Variants in MACROD2 observed in about 807,000 individuals in gnomAD.
MACROD2 encodes the protein ADP-ribose glycohydrolase MACROD2.
Under a neutral mutation model 70.4 loss-of-function variants are expected in MACROD2, and 36 were observed. The ratio of observed to expected loss-of-function variants is 0.51; its 90% CI spans 0.39 to 0.68. MACROD2 has a LOEUF of 0.68. Among genes scored for constraint, MACROD2 ranks in the 30% least tolerant of loss-of-function variants. MACROD2 has a pLI of 0.00. For missense variants in MACROD2, 496 were observed against 538.4 expected (o/e 0.92, Z 0.78); for synonymous variants, 172 against 178.8 (o/e 0.96, Z 0.30).
At chr20:15,532,332 A>C (rs1348617138) in intron 8 of MACROD2, among the ~76,000 whole-genome samples, 3 of 152,164 alleles carry the variant, frequency 2.0e-5, no homozygotes, top group Non-Finnish European at 4.4e-5. Flanking sequence ...TAAATCTCTC[A>C]ACCCTAGCAG....
chr20:15,156,471 C>G (rs459322), intron 5 of MACROD2, among the ~76,000 whole-genome samples: 89,616 of 151,954 alleles, frequency 0.59, 26,561 homozygotes, highest in East Asian at 0.65. Flanking sequence ...TGACTTATCT[C>G]TCATTTACTT....
At chr20:15,052,033 A>C (rs1322856699) in intron 5 of MACROD2, among the ~76,000 whole-genome samples, 1 of 152,128 alleles carries the variant, frequency 6.6e-6, no homozygotes, top group Non-Finnish European at 1.5e-5. Context: ...TCACAGGTGT[A>C]AGCCACTGCG....
chr20:15,609,714 A>G (rs2048940741), intron 8 of MACROD2, among the ~76,000 whole-genome samples: 1 of 152,232 alleles, frequency 6.6e-6, no homozygotes, highest in African/African-American at 2.4e-5. Flanking sequence ...TACTGTTTTC[A>G]TTGGTTTAAA....
Position 14,171,740 on chromosome 20 carries a change from G to A in MACROD2, c.271+86012G>A, listed in dbSNP as rs539402520. On this transcript the variant is annotated intron_variant, in intron 3 of 17. Coordinates refer to ENST00000684519, the MANE Select transcript of MACROD2 (RefSeq NM_001351661.2). ...ATTTCAATTTTCTTTATTGAGACTC[G>A]TTTTGTGGGCTATCATGTTGTCTAT... is the stretch of plus-strand genomic sequence containing the variant. Among the ~76,000 whole-genome samples, 65 of 152,088 alleles carry A rather than the reference G, an allele frequency of 4.3e-4. 1 individual carries two copies. Among genetic ancestry groups the A allele is most frequent in the South Asian group, 1.4e-3 (7 of 4,828 alleles).
At chr20:14,696,545 G>A (rs1420515963) in intron 5 of MACROD2, among the ~76,000 whole-genome samples, 2 of 152,060 alleles carry the variant, frequency 1.3e-5, no homozygotes, top group Non-Finnish European at 2.9e-5. Flanking sequence ...ACTACCGAGA[G>A]TTTGCTTCAT....
At position 15,002,936 on chromosome 20, in the gene MACROD2, C is replaced by T. The variant is rs147154567; in HGVS notation, c.419-227004C>T. Among the ~76,000 whole-genome samples the T allele has an allele frequency of 3.9e-5, 6 of 152,242 alleles. No homozygotes were observed. In the East Asian group the frequency reaches 1.2e-3, roughly 29 times the overall value. The stretch of plus-strand genomic sequence containing the variant: ...TGGAACCAATCCAATTAGAAAGTAA[C>T]AAACACACATTTTACAGCATGTGTC... On this transcript the variant is annotated intron_variant, in intron 5 of 17. Coordinates refer to ENST00000684519, the MANE Select transcript of MACROD2 (RefSeq NM_001351661.2).
chr20:14,429,627 T>C (rs2083973233), intron 3 of MACROD2, among the ~76,000 whole-genome samples: 1 of 152,170 alleles, frequency 6.6e-6, no homozygotes, highest in South Asian at 2.1e-4. Context: ...TGGATGGTTC[T>C]TGGCATGCAG....
intron 3 of MACROD2, among the ~76,000 whole-genome samples, chr20:14,432,237 C>A (rs1422499995): frequency 2.0e-5 from 3 of 152,080 alleles, no homozygotes; most frequent in Non-Finnish European, 4.4e-5. Flanking sequence ...CACTTACAGT[C>A]CTCTCTTCTA....
intron 5 of MACROD2, among the ~76,000 whole-genome samples, chr20:14,747,405 A>C (rs1182014936): frequency 6.6e-6 from 1 of 152,162 alleles, no homozygotes; most frequent in African/African-American, 2.4e-5. Flanking sequence ...GTCAGGATGT[A>C]GTGAGGTCTT....
chr20:14,921,649 A>T (rs1273248567), intron 5 of MACROD2, among the ~76,000 whole-genome samples: 1 of 152,226 alleles, frequency 6.6e-6, no homozygotes, highest in Non-Finnish European at 1.5e-5. Context: ...AAATGGCAGC[A>T]TAAATAGCAT....
chr20:14,419,033 A>G lies in MACROD2; in HGVS notation c.272-74446A>G, dbSNP rs1246441360. Among the ~76,000 whole-genome samples, 4 of 151,938 alleles carry G rather than the reference A, an allele frequency of 2.6e-5. No individual in the cohort carries two copies. In the East Asian group the frequency reaches 7.8e-4, roughly 29 times the overall value. On this transcript the variant is annotated intron_variant, in intron 3 of 17. Transcript: ENST00000684519. ...TCTCGTGACTTTCTTACTACTCAAG[A>G]CAGTCTTAGGATTTTTTTTGTTTTG...
chr20:15,434,167 CA>C (rs1277465862), intron 7 of MACROD2, among the ~76,000 whole-genome samples: 1 of 151,816 alleles, frequency 6.6e-6, no homozygotes, highest in Non-Finnish European at 1.5e-5. Flanking sequence ...GCAACAAAAA[CA>C]AAAATAAATA....
intron 3 of MACROD2, among the ~76,000 whole-genome samples, chr20:14,205,578 C>T (rs2081516587): frequency 1.3e-5 from 2 of 152,154 alleles, no homozygotes; most frequent in African/African-American, 4.8e-5. Flanking sequence ...GATTTATTTC[C>T]CTTACTGTGC....
chr20:15,465,833 G>A (rs963043928), intron 7 of MACROD2, among the ~76,000 whole-genome samples: 2 of 152,178 alleles, frequency 1.3e-5, no homozygotes, highest in Non-Finnish European at 2.9e-5. Context: ...CTCTTCTTTC[G>A]TACCCTGTGG....
chr20:14,246,806 T>C (rs1468305494), intron 3 of MACROD2, among the ~76,000 whole-genome samples: 3 of 152,206 alleles, frequency 2.0e-5, no homozygotes, highest in Non-Finnish European at 4.4e-5. Context: ...CAAACTCTTA[T>C]TCAGCCTTCC....
At chr20:14,195,472 G>A (rs1303918208) in intron 3 of MACROD2, among the ~76,000 whole-genome samples, 1 of 152,122 alleles carries the variant, frequency 6.6e-6, no homozygotes, top group Non-Finnish European at 1.5e-5. Context: ...CTCCAGGCCT[G>A]TGCCCACAGG....
chr20:15,381,444 T>C (rs1404068807), intron 6 of MACROD2, among the ~76,000 whole-genome samples: 1 of 151,860 alleles, frequency 6.6e-6, no homozygotes, highest in African/African-American at 2.4e-5. Context: ...CTCATGCTTG[T>C]AATCCCAGCA....
chr20:14,515,459 ACACACG>A (rs1364967326), intron 4 of MACROD2, among the ~76,000 whole-genome samples: 1 of 71,328 alleles, frequency 1.4e-5, no homozygotes, highest in African/African-American at 7.0e-5. Flanking sequence ...TGAGATACAC[ACACACG>A]CACACACACA....
intron 5 of MACROD2, among the ~76,000 whole-genome samples, chr20:14,862,606 AATATATATAAATATAT>A (rs2073373510): frequency 3.7e-5 from 1 of 27,184 alleles, no homozygotes; most frequent in African/African-American, 1.4e-4. Context: ...TATAAATATA[AATATATATAAATATAT>A]ATATATAAAT....
Sources: allele counts gnomAD v4.1 joint callset (sites outside exome capture counted in the v4.1 genomes callset), GRCh38; gene constraint gnomAD v4.1.1; transcripts MANE v1.5; gene names NCBI Gene and HGNC (gene_info 2026-07-23, HGNC 2026-07-21).